The following PCDHGA4 variants were observed in gnomAD, a reference collection of about 807,000 sequenced individuals.
The protein encoded by PCDHGA4 is protocadherin gamma subfamily A, 4, also known as protocadherin gamma-A4.
In PCDHGA4, 38 loss-of-function variants were observed where a neutral mutation model predicts 54.6. The ratio of observed to expected loss-of-function variants is 0.70; its 90% CI spans 0.54 to 0.91. The LOEUF is 0.91. Ranked by LOEUF, PCDHGA4 falls within the 40% of genes least tolerant of loss-of-function variation. The probability of loss-of-function intolerance (pLI) is 0.00; values close to 1 mark genes in which losing one functional copy is unlikely to be tolerated. For missense variants in PCDHGA4, 1,298 were observed against 1,220.9 expected (o/e 1.06, Z -0.94); for synonymous variants, 511 against 512.9 (o/e 1.00, Z 0.05).
At position 141,491,539 on chromosome 5, in the gene PCDHGA4, A is replaced by G; in HGVS notation, c.2515-3268A>G. ...GTACATGGAGGTGACGCTGCGGCCC[A>G]CAGACTCGCAGAGCCACTGCTACAG... On this transcript the variant is annotated intron_variant, in intron 1 of 3. Coordinates refer to ENST00000571252, the MANE Select transcript of PCDHGA4 (RefSeq NM_018917.4). This position sits in a 1 kb window ranked among gnomAD's most constrained non-coding sequence, Gnocchi z 6.9. The G allele has an allele frequency of 6.2e-7, 1 of 1,613,968 alleles. No homozygotes were observed. The highest frequency in any genetic ancestry group is 1.1e-5 in the South Asian group (1 of 91,074).
rs147783721 is a variant in PCDHGA4 at position 141,404,989 on chromosome 5, G to A, written c.2514+47368G>A. 5 of 1,614,046 alleles carry A rather than the reference G, an allele frequency of 3.1e-6. No homozygotes were observed. The South Asian group carries it at 4.4e-5, about 14-fold the overall frequency. On this transcript the variant is annotated intron_variant, in intron 1 of 3. Coordinates refer to ENST00000571252, the MANE Select transcript of PCDHGA4 (RefSeq NM_018917.4). The stretch of plus-strand genomic sequence containing the variant: ...TCCTGGCTGACCTGGGCAGTCTTCA[G>A]ATCCCTGCAGACCTGGAGGCCTCAG...
intron 1 of PCDHGA4, among the ~76,000 whole-genome samples, chr5:141,430,066 G>A (rs550834063): frequency 4.1e-4 from 62 of 152,102 alleles, no homozygotes; most frequent in Non-Finnish European, 8.4e-4. Flanking sequence ...TCATTTTTAG[G>A]TTTCCATAAT....
chr5:141,485,239 C>T lies in PCDHGA4; in HGVS notation c.2515-9568C>T. ...GGGCTACCCTTTTGTTCCTCTTTTA[C>T]CACCTGGGTTACGTTTGTGGGCAGA... On this transcript the variant is annotated intron_variant, in intron 1 of 3. Transcript: ENST00000571252. This position sits in a 1 kb window ranked among gnomAD's most constrained non-coding sequence, Gnocchi z 5.7. The T allele has an allele frequency of 6.2e-7, 1 of 1,614,140 alleles. No homozygotes were observed. Among genetic ancestry groups the T allele is most frequent in the South Asian group, 1.1e-5 (1 of 91,072 alleles).
At chr5:141,456,224 A>ACT (rs1167290500) in intron 1 of PCDHGA4, among the ~76,000 whole-genome samples, 1 of 152,034 alleles carries the variant, frequency 6.6e-6, no homozygotes, top group Non-Finnish European at 1.5e-5. Context: ...GCGATATCAA[A>ACT]CTAACTGCTG....
In PCDHGA4 at chr5:141,476,335, C is replaced by A; in HGVS notation, c.2515-18472C>A. On this transcript the variant is annotated intron_variant, in intron 1 of 3. Coordinates refer to ENST00000571252, the MANE Select transcript of PCDHGA4 (RefSeq NM_018917.4). The surrounding 1 kb of genome is among the most constrained non-coding windows in gnomAD (Gnocchi z 7.6). Reference sequence around the variant, plus strand: ...GGTTCCGGGTGGTGTCTGGAGCTAGCCGAAGATTCTTTGAGGTGAACCGGG... The same window carrying A: ...GGTTCCGGGTGGTGTCTGGAGCTAGACGAAGATTCTTTGAGGTGAACCGGG... 2 of 1,614,120 alleles carry A rather than the reference C, an allele frequency of 1.2e-6. No individual in the cohort carries two copies. Among genetic ancestry groups the A allele is most frequent in the Non-Finnish European group, 1.7e-6 (2 of 1,180,026 alleles).
At chr5:141,423,632 T>G in intron 1 of PCDHGA4, 1 of 1,602,602 alleles carries the variant, frequency 6.2e-7, no homozygotes, top group Non-Finnish European at 8.5e-7. Flanking sequence ...GCTATCATTT[T>G]AGGCAAATGT....
chr5:141,445,608 C>T (rs2098472204), intron 1 of PCDHGA4, among the ~76,000 whole-genome samples: 1 of 152,108 alleles, frequency 6.6e-6, no homozygotes, highest in South Asian at 2.1e-4. Context: ...TCAAGGAAGG[C>T]TTTCTTTTTT....
At position 141,356,765 on chromosome 5, in the gene PCDHGA4, A is replaced by C. The variant is rs1019076807; in HGVS notation, c.1658A>C (p.Tyr553Ser). The C allele has an allele frequency of 3.1e-6, 5 of 1,613,848 alleles. No homozygotes were observed. The African/African-American group carries it at 6.7e-5, about 22-fold the overall frequency. The change falls in exon 1 of 4, where the codon TAT (tyrosine) becomes TCT (serine). Residue 553 changes from tyrosine (Y) to serine (S), a missense_variant. By Grantham distance (144) the Tyr-to-Ser change is moderately radical (BLOSUM62 -2). Transcript: ENST00000571252. ...GILYALCSFD[Y>S]EQFRDLQLLM... is the part of the protein sequence containing the mutation. The stretch of plus-strand genomic sequence containing the variant: ...CTATATGCTCTTTGCTCCTTCGACT[A>C]TGAGCAGTTTAGAGACCTGCAGCTG...
intron 1 of PCDHGA4, chr5:141,421,678 G>C (rs903229017): frequency 3.7e-6 from 6 of 1,613,776 alleles, no homozygotes; most frequent in Non-Finnish European, 5.1e-6. Context: ...AATTCCTGGG[G>C]CGCGATTTGC....
intron 1 of PCDHGA4, chr5:141,361,234 G>A (rs575415323): frequency 1.2e-6 from 2 of 1,613,954 alleles, no homozygotes; most frequent in South Asian, 2.2e-5. Flanking sequence ...AACAGTGATC[G>A]CCTTGATAAA....
At chr5:141,471,506 G>A (rs2099258630) in intron 1 of PCDHGA4, 1 of 152,214 alleles carries the variant, frequency 6.6e-6, no homozygotes, top group South Asian at 2.1e-4. Flanking sequence ...GCAAGAGAGG[G>A]AGTAAAAATA....
intron 1 of PCDHGA4, among the ~76,000 whole-genome samples, chr5:141,429,774 G>A (rs1175985162): frequency 6.6e-6 from 1 of 152,070 alleles, no homozygotes; most frequent in Non-Finnish European, 1.5e-5. Context: ...ATTTTGATGG[G>A]CTTCCAAAAG....
intron 1 of PCDHGA4, chr5:141,408,845 T>C (rs560368079): frequency 1.9e-6 from 3 of 1,613,670 alleles, no homozygotes; most frequent in Non-Finnish European, 8.5e-7. Flanking sequence ...ATTGACTGCC[T>C]TGGACGGAGG....
intron 1 of PCDHGA4, chr5:141,428,078 C>A (rs747287202): frequency 1.2e-6 from 2 of 1,609,216 alleles, no homozygotes; most frequent in Admixed American, 3.3e-5. Flanking sequence ...ATTCGGGACA[C>A]AACGCTTGGC....
chr5:141,503,471 C>A (rs2099820129), intron 2 of PCDHGA4, among the ~76,000 whole-genome samples: 1 of 151,836 alleles, frequency 6.6e-6, no homozygotes, highest in African/African-American at 2.4e-5. Context: ...GGCATGTGTG[C>A]ACTTGTCGTC....
chr5:141,496,144 T>C (rs1478887814), intron 2 of PCDHGA4, among the ~76,000 whole-genome samples: 1 of 151,780 alleles, frequency 6.6e-6, no homozygotes, highest in Non-Finnish European at 1.5e-5. Context: ...GAGCCTTTGA[T>C]CGCAGCTCTC....
At chr5:141,503,598 CAAAAAAA>C (rs765754054) in intron 2 of PCDHGA4, among the ~76,000 whole-genome samples, 8 of 65,766 alleles carry the variant, frequency 1.2e-4, no homozygotes, top group South Asian at 1.1e-3. Context: ...GACTCCAGCT[CAAAAAAA>C]AAAAAAAAAG....
chr5:141,384,013 C>T, intron 1 of PCDHGA4: 1 of 1,613,758 alleles, frequency 6.2e-7, no homozygotes, highest in Non-Finnish European at 8.5e-7. Context: ...TTTCTACCTA[C>T]AAGACAGAGA....
chr5:141,508,826 C>T (rs2099872187), intron 3 of PCDHGA4, among the ~76,000 whole-genome samples: 1 of 152,092 alleles, frequency 6.6e-6, no homozygotes, highest in South Asian at 2.1e-4. Context: ...AGATCTGGGC[C>T]CCCCTCCCCT....
Sources: allele counts gnomAD v4.1 joint callset (sites outside exome capture counted in the v4.1 genomes callset), GRCh38; gene constraint gnomAD v4.1.1; non-coding constraint Gnocchi (gnomAD v3.1); transcripts MANE v1.5; gene names NCBI Gene and HGNC (gene_info 2026-07-23, HGNC 2026-07-21).